Variants in LARGE1 observed in about 807,000 individuals in gnomAD.
The protein encoded by LARGE1 is LARGE xylosyl- and glucuronyltransferase 1.
In LARGE1, 43 loss-of-function variants were observed where a neutral mutation model predicts 87.6. The ratio of observed to expected loss-of-function variants is 0.49; its 90% CI spans 0.38 to 0.63. The LOEUF (loss-of-function observed/expected upper bound fraction) is 0.63. Among genes scored for constraint, LARGE1 ranks in the 30% least tolerant of loss-of-function variants. LARGE1 has a pLI of 0.00. For synonymous variants in LARGE1, 434 were observed against 394.6 expected (o/e 1.10, Z -1.18); for missense variants, 802 against 1,000.2 (o/e 0.80, Z 2.67).
intron 2 of LARGE1, among the ~76,000 whole-genome samples, chr22:33,694,221 C>T (rs1446110762): frequency 6.6e-6 from 1 of 152,234 alleles, no homozygotes; most frequent in African/African-American, 2.4e-5. Context: ...CCCACCTTTT[C>T]ATAACACAGA....
rs192273170 is a variant in LARGE1 at position 33,699,024 on chromosome 22, G to A, written c.107-48356C>T. On this transcript the variant is annotated intron_variant, in intron 2 of 14. Transcript: ENST00000397394. ...TGAACGAATGCCTGCCTGCAAGTTT[G>A]ACAGAGACTCGGGGTCCTCCTCTGT... is the stretch of plus-strand genomic sequence containing the variant. 2.5e-4 allele frequency among the ~76,000 whole-genome samples: 38 copies of A among 152,296 alleles called. 2 individuals carry two copies. The highest frequency in any genetic ancestry group is 3.4e-3 in the Middle Eastern group (1 of 294).
intron 1 of LARGE1, among the ~76,000 whole-genome samples, chr22:33,852,717 G>A (rs959297250): frequency 2.1e-4 from 32 of 151,826 alleles, no homozygotes; most frequent in South Asian, 1.0e-3. Flanking sequence ...TAAGCCGGGC[G>A]TGGCGGCGTA....
chr22:33,909,420 C>T (rs1323893828), intron 1 of LARGE1, among the ~76,000 whole-genome samples: 1 of 152,168 alleles, frequency 6.6e-6, no homozygotes, highest in Non-Finnish European at 1.5e-5. Context: ...GATGCAGGTG[C>T]ACCTTCCAAA....
At chr22:33,283,726 G>T (rs1226749274) in intron 12 of LARGE1, among the ~76,000 whole-genome samples, 2 of 151,478 alleles carry the variant, frequency 1.3e-5, no homozygotes, top group African/African-American at 4.9e-5. Flanking sequence ...GCAATGAGCT[G>T]AGATTACGCC....
intron 11 of LARGE1, among the ~76,000 whole-genome samples, chr22:33,231,991 A>G (rs969362609): frequency 6.6e-6 from 1 of 152,212 alleles, no homozygotes; most frequent in Non-Finnish European, 1.5e-5. Context: ...AAAGAATTGT[A>G]TGTATGTCCC....
chr22:33,268,212 C>T (rs1347591666), downstream of LARGE1, among the ~76,000 whole-genome samples: 2 of 151,414 alleles, frequency 1.3e-5, no homozygotes, highest in Non-Finnish European at 2.9e-5. Flanking sequence ...CCTCAGCCTC[C>T]CAAAGTGCTG....
intron 2 of LARGE1, among the ~76,000 whole-genome samples, chr22:33,671,536 T>C: frequency 6.6e-6 from 1 of 152,226 alleles, no homozygotes; most frequent in East Asian, 1.9e-4. Context: ...CCTTTCCTGG[T>C]TCCATATTAT....
chr22:33,194,686 G>T (rs1182424191), intron 11 of LARGE1, among the ~76,000 whole-genome samples: 1 of 152,126 alleles, frequency 6.6e-6, no homozygotes, highest in East Asian at 1.9e-4. Context: ...CTTCTTCTCT[G>T]GCCTCTTCTC....
chr22:33,760,820 T>C (rs2084701061), intron 2 of LARGE1, among the ~76,000 whole-genome samples: 1 of 152,112 alleles, frequency 6.6e-6, no homozygotes, highest in African/African-American at 2.4e-5. Context: ...CTTGGGAGGT[T>C]GAGGCAGGAG....
chr22:33,087,400 C>T, the LARGE1 span, among the ~76,000 whole-genome samples: 3 of 152,002 alleles, frequency 2.0e-5, no homozygotes, highest in Non-Finnish European at 4.4e-5. Flanking sequence ...TATTGCATTG[C>T]TGTGTAGGAA....
rs534746969 is a variant in LARGE1, at chr22:33,826,834, C to T, written c.-82-65276G>A. ...GCCTACAATAGTTCTCATCTTAACT[C>T]ATTTTTTAAAAAAACAATAAAAAAA... On this transcript the variant is annotated intron_variant, in intron 1 of 14. Transcript: ENST00000397394. Among the ~76,000 whole-genome samples, 375 of 152,094 alleles carry T rather than the reference C, an allele frequency of 2.5e-3. 1 individual carries two copies. Among genetic ancestry groups the T allele is most frequent in the African/African-American group, 8.8e-3 (363 of 41,464 alleles).
chr22:33,107,907 T>C, the LARGE1 span, among the ~76,000 whole-genome samples: 4 of 151,460 alleles, frequency 2.6e-5, no homozygotes, highest in African/African-American at 9.8e-5. Context: ...GATTTTCTCA[T>C]TGGGATTTTT....
At chr22:33,297,195 C>A (rs1933405952) in intron 12 of LARGE1, among the ~76,000 whole-genome samples, 1 of 152,108 alleles carries the variant, frequency 6.6e-6, no homozygotes, top group South Asian at 2.1e-4. Context: ...CATGATGTGC[C>A]AGGGAAAATG....
intron 1 of LARGE1, among the ~76,000 whole-genome samples, chr22:33,770,968 G>T (rs2085051058): frequency 6.6e-6 from 1 of 151,976 alleles, no homozygotes; most frequent in South Asian, 2.1e-4. Flanking sequence ...CATTAACCAG[G>T]TTCACATTCT....
At chr22:33,346,584 T>C (rs1024177882) in intron 9 of LARGE1, among the ~76,000 whole-genome samples, 1 of 152,186 alleles carries the variant, frequency 6.6e-6, no homozygotes, top group Non-Finnish European at 1.5e-5. Flanking sequence ...ATTACAGGCA[T>C]GAGCCTCCGC....
intron 2 of LARGE1, among the ~76,000 whole-genome samples, chr22:33,735,130 A>T (rs1250555049): frequency 6.6e-6 from 1 of 152,242 alleles, no homozygotes; most frequent in African/African-American, 2.4e-5. Context: ...TCCTTCTTCC[A>T]GGAAGGACAA....
intron 6 of LARGE1, among the ~76,000 whole-genome samples, chr22:33,537,103 G>A (rs563367581): frequency 5.9e-5 from 9 of 152,210 alleles, no homozygotes; most frequent in Non-Finnish European, 1.0e-4. Flanking sequence ...GAGCCACCGC[G>A]CCCAGTGAAA....
chr22:33,190,792 A>G (rs1923734766), intron 11 of LARGE1, among the ~76,000 whole-genome samples: 1 of 152,220 alleles, frequency 6.6e-6, no homozygotes, highest in Admixed American at 6.5e-5. Flanking sequence ...AGGTAGAAAT[A>G]GTTGACTTTG....
intron 6 of LARGE1, among the ~76,000 whole-genome samples, chr22:33,462,187 G>A (rs1009759238): frequency 6.6e-6 from 1 of 152,192 alleles, no homozygotes; most frequent in African/African-American, 2.4e-5. Context: ...AAAAATGACT[G>A]GCAGCTGACT....
Sources: gnomAD v4.1 joint callset for allele counts (sites outside exome capture counted in the v4.1 genomes callset) on GRCh38, gnomAD v4.1.1 for gene constraint, MANE v1.5 for transcripts, NCBI Gene and HGNC (gene_info 2026-07-23, HGNC 2026-07-21) for gene names.